The following NYAP2 variants were observed in gnomAD, a reference collection of about 807,000 sequenced individuals.
NYAP2 encodes neuronal tyrosine-phosphorylated phosphoinositide-3-kinase adapter 2.
Under a neutral mutation model 50.4 loss-of-function variants are expected in NYAP2, and 23 were observed. The observed-to-expected ratio is 0.46, with a 90% CI of 0.33 to 0.65. The LOEUF is 0.65. NYAP2 is among the 30% of genes least tolerant of loss of function. NYAP2 has a pLI of 0.02. For missense variants in NYAP2, 885 were observed against 861.0 expected (o/e 1.03, Z -0.35); for synonymous variants, 394 against 365.2 (o/e 1.08, Z -0.90).
In NYAP2 at chr2:225,639,933, G is replaced by A. The variant is rs182795884; in HGVS notation, c.1829-11499G>A. 2.6e-5 allele frequency among the ~76,000 whole-genome samples: 4 copies of A among 152,260 alleles called. No individual in the cohort carries two copies. In the East Asian group the frequency reaches 7.7e-4, roughly 29 times the overall value. On this transcript the variant is annotated intron_variant, in intron 6 of 6. Transcript: ENST00000636099. Reference sequence around the variant, plus strand: ...GACGTAGTAGATGCCAGAACTCTGTGACGCCATGACCCACATAATTGAGGA... The same window carrying A: ...GACGTAGTAGATGCCAGAACTCTGTAACGCCATGACCCACATAATTGAGGA...
intron 5 of NYAP2, among the ~76,000 whole-genome samples, chr2:225,590,926 C>T (rs1692490518): frequency 6.6e-6 from 1 of 152,230 alleles, no homozygotes; most frequent in Non-Finnish European, 1.5e-5. Flanking sequence ...GAGTGTGTGC[C>T]ACTTCCTTCA....
intron 5 of NYAP2, among the ~76,000 whole-genome samples, chr2:225,610,453 G>A (rs1225892550): frequency 6.6e-6 from 1 of 152,110 alleles, no homozygotes; most frequent in Non-Finnish European, 1.5e-5. Context: ...TGTCCAAATA[G>A]AGTCACATTG....
chr2:225,677,660 T>C, the NYAP2 span, among the ~76,000 whole-genome samples: 1 of 152,188 alleles, frequency 6.6e-6, no homozygotes, highest in Non-Finnish European at 1.5e-5. Context: ...TCTCTGCATC[T>C]ATTGAGATGA....
intron 5 of NYAP2, among the ~76,000 whole-genome samples, chr2:225,607,564 G>T (rs899543797): frequency 1.3e-5 from 2 of 152,114 alleles, no homozygotes; most frequent in Admixed American, 6.6e-5. Flanking sequence ...TTTGTCAAAA[G>T]ATAAAGACAT....
chr2:225,637,812 G>A (rs1052797719), intron 6 of NYAP2, among the ~76,000 whole-genome samples: 8 of 152,168 alleles, frequency 5.3e-5, no homozygotes, highest in Non-Finnish European at 1.0e-4. Context: ...GGAGAACTGG[G>A]AGGGAGTTAA....
chr2:225,627,802 T>C (rs920592937), intron 6 of NYAP2, among the ~76,000 whole-genome samples: 4 of 152,258 alleles, frequency 2.6e-5, no homozygotes, highest in Admixed American at 6.5e-5. Flanking sequence ...ATGTTTGCTT[T>C]GAATTTATTA....
intron 4 of NYAP2, among the ~76,000 whole-genome samples, chr2:225,535,559 C>A (rs181099438): frequency 8.3e-4 from 126 of 152,158 alleles, no homozygotes; most frequent in African/African-American, 2.4e-3. Flanking sequence ...AAGGTGAGAC[C>A]CTGCAGCTTT....
At chr2:225,675,671 T>A in the NYAP2 span, among the ~76,000 whole-genome samples, 13 of 152,152 alleles carry the variant, frequency 8.5e-5, no homozygotes, top group Non-Finnish European at 1.6e-4. Flanking sequence ...GTAGTGGGAT[T>A]ATTAGCTCAG....
chr2:225,458,391 A>G (rs1458663531), intron 3 of NYAP2, among the ~76,000 whole-genome samples: 1 of 152,228 alleles, frequency 6.6e-6, no homozygotes, highest in African/African-American at 2.4e-5. Flanking sequence ...AATGCAAGTC[A>G]GAATCTATAG....
At chr2:225,665,555 A>C in the NYAP2 span, among the ~76,000 whole-genome samples, 30 of 149,756 alleles carry the variant, frequency 2.0e-4, no homozygotes, top group Non-Finnish European at 4.0e-4. Context: ...AGGGCAGCAC[A>C]CCACCTTTCC....
chr2:225,436,332 T>C (rs1689376595), intron 3 of NYAP2, among the ~76,000 whole-genome samples: 1 of 152,226 alleles, frequency 6.6e-6, no homozygotes, highest in Non-Finnish European at 1.5e-5. Flanking sequence ...ATCAAGGTAT[T>C]GGCATTGTTT....
At chr2:225,436,758 A>G (rs1517506) in intron 3 of NYAP2, among the ~76,000 whole-genome samples, 110,123 of 141,920 alleles carry the variant, frequency 0.78, 43,172 homozygotes, top group African/African-American at 0.84. Flanking sequence ...AAAAAAAAAA[A>G]AGAGAGAAGA....
At chr2:225,673,934 A>G in the NYAP2 span, among the ~76,000 whole-genome samples, 32 of 152,096 alleles carry the variant, frequency 2.1e-4, no homozygotes, top group Non-Finnish European at 3.5e-4. Flanking sequence ...TACAATGACA[A>G]AGCAGGCTGT....
chr2:225,640,137 G>C (rs1247000441), intron 6 of NYAP2, among the ~76,000 whole-genome samples: 1 of 152,128 alleles, frequency 6.6e-6, no homozygotes, highest in Non-Finnish European at 1.5e-5. Context: ...CCTAAACCAA[G>C]AGAAACAGAT....
intron 3 of NYAP2, among the ~76,000 whole-genome samples, chr2:225,508,560 G>A (rs1690751871): frequency 6.6e-6 from 1 of 152,156 alleles, no homozygotes. Context: ...GAAGGAGGAA[G>A]CAGAAGAGGT....
the NYAP2 span, among the ~76,000 whole-genome samples, chr2:225,665,289 C>T: frequency 6.6e-6 from 1 of 152,118 alleles, no homozygotes; most frequent in Admixed American, 6.5e-5. Context: ...GCACTTGTTA[C>T]ATGCCCATAG....
chr2:225,470,036 C>G (rs1029155150), intron 3 of NYAP2, among the ~76,000 whole-genome samples: 2 of 152,040 alleles, frequency 1.3e-5, no homozygotes, highest in Non-Finnish European at 2.9e-5. Context: ...ACGGGCCTAA[C>G]ACCTAATAGC....
At chr2:225,531,246 A>T (rs1460036004) in intron 4 of NYAP2, among the ~76,000 whole-genome samples, 1 of 152,052 alleles carries the variant, frequency 6.6e-6, no homozygotes, top group Non-Finnish European at 1.5e-5. Flanking sequence ...CTCCAGACAA[A>T]CCATGCTTGT....
chr2:225,695,841 G>A, the NYAP2 span, among the ~76,000 whole-genome samples: 1 of 151,836 alleles, frequency 6.6e-6, no homozygotes, highest in East Asian at 1.9e-4. Flanking sequence ...AAAAGTGAAT[G>A]CTCATGTCTA....
Sources: allele counts gnomAD v4.1 joint callset (sites outside exome capture counted in the v4.1 genomes callset), GRCh38; gene constraint gnomAD v4.1.1; transcripts MANE v1.5; gene names NCBI Gene and HGNC (gene_info 2026-07-23, HGNC 2026-07-21).